Variants in CIP2A observed in about 807,000 individuals in gnomAD.
CIP2A encodes cellular inhibitor of PP2A, also known as protein CIP2A.
In CIP2A, 103 loss-of-function variants were observed where a neutral mutation model predicts 110.9. The observed-to-expected ratio is 0.93, with a 90% CI of 0.79 to 1.09. The LOEUF is 1.09. Ranked by LOEUF, CIP2A falls within the 50% of genes least tolerant of loss-of-function variation. The pLI is 0.00. For synonymous variants in CIP2A, 381 were observed against 361.6 expected, an observed-to-expected ratio of 1.05 and a Z score of -0.61; for missense variants, 1,088 against 1,038.4, an observed-to-expected ratio of 1.05 and a Z score of -0.66.
In CIP2A at chr3:108,559,704, G is replaced by A. The variant is rs1219179519; in HGVS notation, c.2013+53C>T. On this transcript the variant is annotated intron_variant, in intron 16 of 20. Transcript: ENST00000295746. Reference sequence around the variant, plus strand: ...CAAATACATAACTAATATTTTGCATGTTTTACTTATTAATTTTTCTACAAA... The same window carrying A: ...CAAATACATAACTAATATTTTGCATATTTTACTTATTAATTTTTCTACAAA... 6 of 1,038,336 alleles carry A rather than the reference G, an allele frequency of 5.8e-6. No homozygotes were observed. In the African/African-American group the frequency reaches 9.7e-5, roughly 17 times the overall value. 64.3% of individuals were successfully genotyped at this position (1,038,336 alleles called of 1,614,324 possible).
In CIP2A at chr3:108,563,130, A is replaced by C. The variant is rs750785053; in HGVS notation, c.1630T>G (p.Leu544Val). ...CTGCAAATGATTACAACTCACACTAAAGCAGGAAAATCTGGCAGTGGAGCA... is the reference window on the plus strand; with the variant it reads ...CTGCAAATGATTACAACTCACACTACAGCAGGAAAATCTGGCAGTGGAGCA... Reference protein sequence around the residue: ...EAAPLPDFPALVLGESIAANN... With the variant: ...EAAPLPDFPAVVLGESIAANN... The change falls in exon 13 of 21, where the codon TTA (leucine) becomes GTA (valine). Residue 544 changes from leucine (L) to valine (V), a missense_variant. Leu to Val is a conservative substitution (Grantham distance 32, BLOSUM62 1). Coordinates refer to ENST00000295746, the MANE Select transcript of CIP2A (RefSeq NM_020890.3). 1 of 1,594,712 alleles carries C rather than the reference A, an allele frequency of 6.3e-7. No individual in the cohort carries two copies. Among genetic ancestry groups the C allele is most frequent in the African/African-American group, 1.3e-5 (1 of 74,574 alleles).
At chr3:108,565,258 G>C in intron 12 of CIP2A, 97 bp downstream of exon 12, 1 of 647,718 alleles carries the variant, frequency 1.5e-6, no homozygotes, top group East Asian at 3.1e-5. Flanking sequence ...AATTCTAAGA[G>C]AATTATCTTC....
intron 8 of CIP2A, among the ~76,000 whole-genome samples, chr3:108,572,264 C>A (rs1036752855): frequency 6.6e-6 from 1 of 152,024 alleles, no homozygotes; most frequent in Non-Finnish European, 1.5e-5. Context: ...AAATCATTGT[C>A]TACCCCAAGG....
rs754686691 is a variant in CIP2A, at chr3:108,583,022, C to T, written c.312G>A (p.Ala104=). 5 of 1,609,946 alleles carry T rather than the reference C, an allele frequency of 3.1e-6. No homozygotes were observed. The highest frequency in any genetic ancestry group is 2.2e-5 in the South Asian group (2 of 90,180). Residue 104 remains alanine, a synonymous_variant, in exon 3 of 21, where the codon GCG becomes GCA. Transcript: ENST00000295746. Reference sequence around the variant, plus strand: ...TGTGGCTGCTCCGACAAACCACTCCCGCCAGCACACTATTCAGATTATATG... The same window carrying T: ...TGTGGCTGCTCCGACAAACCACTCCTGCCAGCACACTATTCAGATTATATG... The part of the protein sequence containing the change: ...QNTYNLNSVL[A]GVVCRSSHTD...
At chr3:108,555,304 G>A (rs1559688422) in intron 17 of CIP2A, among the ~76,000 whole-genome samples, 1 of 152,114 alleles carries the variant, frequency 6.6e-6, no homozygotes, top group Non-Finnish European at 1.5e-5. Context: ...AGGACCTCAA[G>A]CTGGAAAATA....
At chr3:108,566,382 A>T in intron 11 of CIP2A, 115 bp downstream of exon 11, 1 of 704,774 alleles carries the variant, frequency 1.4e-6, no homozygotes, top group Non-Finnish European at 2.3e-6. Flanking sequence ...TATGTTTGTT[A>T]ATCTGTTATA....
rs752116940 is a variant in CIP2A at position 108,560,050 on chromosome 3, AC to A, written c.1828-23del. 4 of 1,418,908 alleles carry A rather than the reference AC, an allele frequency of 2.8e-6. No individual in the cohort carries two copies. In the African/African-American group the frequency reaches 5.7e-5, roughly 20 times the overall value. 87.9% of individuals were successfully genotyped at this position (1,418,908 alleles called of 1,614,324 possible). On this transcript the variant is annotated intron_variant, in intron 14 of 20. Transcript: ENST00000295746. ...TTACCTACATTTTAAGAGTAAAAAA[AC>A]TTAAAATTTTAATAAAATATTTTGA...
chr3:108,585,463 T>C (rs1939013656), intron 1 of CIP2A, among the ~76,000 whole-genome samples: 1 of 152,178 alleles, frequency 6.6e-6, no homozygotes, highest in Non-Finnish European at 1.5e-5. Context: ...TCTTAGTTTC[T>C]TATACCATCT....
At chr3:108,564,209 G>A (rs573387801) in intron 12 of CIP2A, among the ~76,000 whole-genome samples, 5 of 151,990 alleles carry the variant, frequency 3.3e-5, no homozygotes, top group South Asian at 4.1e-4. Context: ...GTTTGTAGTC[G>A]AGGAAATTGA....
chr3:108,569,181 T>TATATATATATATATATATATACAC, intron 9 of CIP2A, among the ~76,000 whole-genome samples: 1 of 58,274 alleles, frequency 1.7e-5, no homozygotes, highest in Admixed American at 2.3e-4. Flanking sequence ...TATATATATA[T>TATATATATATATATATATATACAC]ACATACACAC....
rs1417908097 is a variant in CIP2A, at chr3:108,581,513, T to A, written c.453-2A>T. On this transcript the variant is annotated splice_acceptor_variant, in intron 4 of 20. Coordinates refer to ENST00000295746, the MANE Select transcript of CIP2A (RefSeq NM_020890.3). LOFTEE classifies it high-confidence loss of function. ...TTTAACTCATCTTCAGAAGATTGAC[T>A]GTTGTTTTACATTGGTGTTTTGTTT... 6.3e-7 allele frequency: 1 copy of A among 1,588,858 alleles called. No individual in the cohort carries two copies. Among genetic ancestry groups the A allele is most frequent in the Non-Finnish European group, 8.6e-7 (1 of 1,158,620 alleles).
At chr3:108,587,370 T>G (rs4855655) in intron 1 of CIP2A, among the ~76,000 whole-genome samples, 1 of 152,088 alleles carries the variant, frequency 6.6e-6, no homozygotes, top group Non-Finnish European at 1.5e-5. Flanking sequence ...GCGGTACATG[T>G]GCAACATGAA....
intron 16 of CIP2A, 68 bp from the exon 17 acceptor site, chr3:108,557,482 A>G (rs1937850647): frequency 8.4e-7 from 1 of 1,188,070 alleles, no homozygotes; most frequent in Non-Finnish European, 1.1e-6. Flanking sequence ...CATACCTACA[A>G]TTTAAAAGTT....
chr3:108,578,258 T>A (rs528917572), intron 7 of CIP2A, among the ~76,000 whole-genome samples: 3 of 152,240 alleles, frequency 2.0e-5, no homozygotes, highest in Non-Finnish European at 4.4e-5. Flanking sequence ...CTGTTTACTA[T>A]GAAGATGCTG....
chr3:108,562,896 T>C (rs1038407116), intron 13 of CIP2A, among the ~76,000 whole-genome samples: 1 of 152,142 alleles, frequency 6.6e-6, no homozygotes, highest in East Asian at 1.9e-4. Flanking sequence ...CATAGAGGGA[T>C]AGTACCTGAA....
At chr3:108,567,209 T>C (rs1246343452) in intron 10 of CIP2A, among the ~76,000 whole-genome samples, 1 of 151,622 alleles carries the variant, frequency 6.6e-6, no homozygotes, top group African/African-American at 2.4e-5. Flanking sequence ...TCCAATTAAA[T>C]TAGAAACTCT....
intron 14 of CIP2A, 55 bp from the exon 15 acceptor site, chr3:108,560,083 G>A (rs1359735388): frequency 9.7e-7 from 1 of 1,028,742 alleles, no homozygotes; most frequent in Non-Finnish European, 1.5e-6. Context: ...TTGACACAAT[G>A]ACAAAATAAA....
chr3:108,552,389 A>C lies in CIP2A; in HGVS notation c.2408-16T>G. ...TGATGCAAATCTTAAAAGAAAAAAA[A>C]GTCAAGTATTATACTCAGAGGTCTT... On this transcript the variant is annotated splice_polypyrimidine_tract_variant and intron_variant, in intron 19 of 20. Transcript: ENST00000295746. 6.7e-7 allele frequency: 1 copy of C among 1,484,774 alleles called. No individual in the cohort carries two copies. Among genetic ancestry groups the C allele is most frequent in the Middle Eastern group, 2.2e-4 (1 of 4,630 alleles). 92.0% of individuals were successfully genotyped at this position (1,484,774 alleles called of 1,614,324 possible).
At chr3:108,568,990 A>G (rs9819422) in intron 9 of CIP2A, among the ~76,000 whole-genome samples, 2,847 of 151,124 alleles carry the variant, frequency 0.019, 98 homozygotes, top group African/African-American at 0.066. Context: ...ATTATCTGGC[A>G]TGCTCTACTC....
Sources: gnomAD v4.1 joint callset for allele counts (sites outside exome capture counted in the v4.1 genomes callset) on GRCh38, gnomAD v4.1.1 for gene constraint, MANE v1.5 for transcripts, NCBI Gene and HGNC (gene_info 2026-07-23, HGNC 2026-07-21) for gene names.